The following KMT2C variants were observed in gnomAD, a reference collection of about 807,000 sequenced individuals.
KMT2C encodes histone-lysine N-methyltransferase 2C.
KMT2C carries 88 observed loss-of-function variants against 507.9 expected under a neutral mutation model. The observed-to-expected ratio is 0.17, with a 90% CI of 0.15 to 0.21. KMT2C has a LOEUF of 0.21. KMT2C is among the 10% of genes least tolerant of loss of function. The probability of loss-of-function intolerance (pLI) is 1.00; values close to 1 mark genes in which losing one functional copy is unlikely to be tolerated. For missense variants in KMT2C, 4,954 were observed against 5,957.8 expected (o/e 0.83, Z 5.55); for synonymous variants, 2,049 against 2,080.8 (o/e 0.98, Z 0.42).
rs2129114894 is a variant in KMT2C at position 152,177,489 on chromosome 7, C to A, written c.7964G>T (p.Gly2655Val). ...VMRTLNHPLGGEFSEAPLSTS... is the reference protein window; with the variant it reads ...VMRTLNHPLGVEFSEAPLSTS... ...TGACAAAGGAGCTTCTGAAAATTCA[C>A]CACCTAGTGGATGGTTCAGAGTCCT... is the stretch of plus-strand genomic sequence containing the variant. Residue 2655 changes from glycine (G) to valine (V), a missense_variant, in exon 38 of 59, where the codon GGT (glycine) becomes GTT (valine). This residue lies in a region of KMT2C where 1,689 missense variants were observed against 1,654.3 expected (regional missense o/e 1.02). Coordinates refer to ENST00000262189, the MANE Select transcript of KMT2C (RefSeq NM_170606.3). The A allele has an allele frequency of 6.2e-7, 1 of 1,614,206 alleles. No homozygotes were observed. Among genetic ancestry groups the A allele is most frequent in the Non-Finnish European group, 8.5e-7 (1 of 1,180,028 alleles).
Position 152,389,352 on chromosome 7 carries a change from C to CAAA in KMT2C, c.162-30680_162-30678dup, listed in dbSNP as rs386411673. On this transcript the variant is annotated intron_variant, in intron 1 of 58. Coordinates refer to ENST00000262189, the MANE Select transcript of KMT2C (RefSeq NM_170606.3). Reference sequence around the variant, plus strand: ...CTGGTGACAGAGTGAGACTCCGTCTCAAAAAAAAAAAAAAAAAAAATACTG... The same window carrying CAAA: ...CTGGTGACAGAGTGAGACTCCGTCTCAAAAAAAAAAAAAAAAAAAAAAATACTG... Among the ~76,000 whole-genome samples, 573 of 77,596 alleles carry CAAA rather than the reference C, an allele frequency of 7.4e-3. 8 individuals carry two copies. The highest frequency in any genetic ancestry group is 0.063 in the East Asian group (172 of 2,726). The allele number at this position is 77,596 out of a possible 152,430, so 50.9% of individuals were successfully genotyped here. A position where few individuals can be genotyped will look rare whatever the true frequency, so the allele number is the denominator to read the frequency against.
intron 6 of KMT2C, among the ~76,000 whole-genome samples, chr7:152,303,265 A>T: frequency 6.6e-6 from 1 of 152,210 alleles, no homozygotes; most frequent in East Asian, 1.9e-4. Flanking sequence ...TAAATATATT[A>T]ATTTTAACAC....
At chr7:152,336,020 T>C (rs1177540104) in intron 2 of KMT2C, among the ~76,000 whole-genome samples, 2 of 152,156 alleles carry the variant, frequency 1.3e-5, no homozygotes, top group Admixed American at 1.3e-4. Flanking sequence ...TTTTCTCCTC[T>C]AGCTATTATT....
At chr7:152,189,059 T>A (rs576105595) in intron 31 of KMT2C, among the ~76,000 whole-genome samples, 80 of 152,198 alleles carry the variant, frequency 5.3e-4, no homozygotes, top group Non-Finnish European at 9.0e-4. Context: ...CCAAACACAT[T>A]TGAATTCTCA....
chr7:152,266,964 A>C (rs148214063), intron 7 of KMT2C, among the ~76,000 whole-genome samples: 2,758 of 152,000 alleles, frequency 0.018, 37 homozygotes, highest in Non-Finnish European at 0.026. Context: ...GGCTTTTTGC[A>C]CTTTGTAGCA....
chr7:152,187,424 T>C lies in KMT2C; in HGVS notation c.4846A>G (p.Thr1616Ala), dbSNP rs370304361. Residue 1616 changes from threonine to alanine, a missense_variant, in exon 33 of 59, where the codon ACA (threonine) becomes GCA (alanine). By Grantham distance (58) the Thr-to-Ala change is moderately conservative. This residue lies in a region of KMT2C where 195 missense variants were observed against 183.7 expected (regional missense o/e 1.06). Transcript: ENST00000262189. ...CCTTCCACAGTGGGAGCTGATGATG[T>C]CCAAGAGTTGTTAGGATCACTTGCC... ...PMASDPNNSW[T>A]SSAPTVEGEN... is the part of the protein sequence containing the mutation. The C allele has an allele frequency of 6.2e-7, 1 of 1,614,138 alleles. No homozygotes were observed. The highest frequency in any genetic ancestry group is 1.1e-5 in the South Asian group (1 of 91,078).
chr7:152,229,503 A>AT, intron 18 of KMT2C, among the ~76,000 whole-genome samples: 1 of 152,282 alleles, frequency 6.6e-6, no homozygotes, highest in Non-Finnish European at 1.5e-5. Context: ...TCTTTTGGCT[A>AT]TAAGGAGAAA....
chr7:152,364,934 G>GACAGACACACACACACACACACAC (rs1554680382), intron 1 of KMT2C, among the ~76,000 whole-genome samples: 1 of 138,058 alleles, frequency 7.2e-6, no homozygotes, highest in African/African-American at 2.7e-5. Context: ...GAAACAGACA[G>GACAGACACACACACACACACACAC]ACACACACAC....
chr7:152,387,381 TA>T (rs2097438717), intron 1 of KMT2C, among the ~76,000 whole-genome samples: 4 of 151,026 alleles, frequency 2.6e-5, no homozygotes, highest in Non-Finnish European at 5.9e-5. Context: ...GCACCTACAT[TA>T]ATCACAATAT....
intron 9 of KMT2C, among the ~76,000 whole-genome samples, chr7:152,253,083 GA>G (rs2095586455): frequency 6.6e-6 from 1 of 152,090 alleles, no homozygotes. Context: ...TTCAACTCCT[GA>G]CCTCAAGTGA....
intron 8 of KMT2C, among the ~76,000 whole-genome samples, chr7:152,264,225 C>T (rs770991389): frequency 6.6e-6 from 1 of 152,144 alleles, no homozygotes; most frequent in Non-Finnish European, 1.5e-5. Flanking sequence ...AAGATACTGA[C>T]GTTTATTTCT....
intron 2 of KMT2C, among the ~76,000 whole-genome samples, chr7:152,353,484 G>GCC (rs2097129489): frequency 6.6e-6 from 1 of 152,070 alleles, no homozygotes; most frequent in African/African-American, 2.4e-5. Flanking sequence ...CATGGTAGGA[G>GCC]ACTCATTAGC....
At chr7:152,416,511 T>C (rs186635375) in intron 1 of KMT2C, among the ~76,000 whole-genome samples, 1 of 151,350 alleles carries the variant, frequency 6.6e-6, no homozygotes, top group Admixed American at 6.6e-5. Flanking sequence ...ATCACGCCAT[T>C]ACACTCCAGC....
chr7:152,290,234 G>GTGTGTGTGTGTGTA (rs2096389499), intron 6 of KMT2C, among the ~76,000 whole-genome samples: 1 of 100,868 alleles, frequency 9.9e-6, no homozygotes, highest in African/African-American at 4.9e-5. Flanking sequence ...GTGTGTGTGT[G>GTGTGTGTGTGTGTA]TGTGTGTGTG....
intron 9 of KMT2C, among the ~76,000 whole-genome samples, chr7:152,255,109 T>TTTTATA (rs1491178887): frequency 2.6e-5 from 2 of 78,344 alleles, no homozygotes; most frequent in Non-Finnish European, 5.4e-5. Context: ...CAACTCTCAC[T>TTTTATA]TATATATATA....
chr7:152,259,696 T>A (rs1407826511), intron 9 of KMT2C, among the ~76,000 whole-genome samples: 4 of 152,102 alleles, frequency 2.6e-5, no homozygotes, highest in Non-Finnish European at 5.9e-5. Flanking sequence ...TATCTGACAA[T>A]GACTGGTTTA....
intron 3 of KMT2C, among the ~76,000 whole-genome samples, chr7:152,317,003 C>T (rs2096728383): frequency 6.6e-6 from 1 of 152,172 alleles, no homozygotes; most frequent in Non-Finnish European, 1.5e-5. Flanking sequence ...CCCCTAGAAA[C>T]ACTACCCATG....
At chr7:152,284,081 T>C (rs2129182845) in intron 6 of KMT2C, among the ~76,000 whole-genome samples, 1 of 152,326 alleles carries the variant, frequency 6.6e-6, no homozygotes, top group Admixed American at 6.5e-5. Flanking sequence ...CTTCTTTTAA[T>C]GACTTTTTCA....
chr7:152,178,673 AAG>A (rs764096170), intron 37 of KMT2C, among the ~76,000 whole-genome samples: 67 of 152,230 alleles, frequency 4.4e-4, no homozygotes, highest in Non-Finnish European at 9.1e-4. Context: ...AAGGGAAATT[AAG>A]AGTAAGATTA....
Sources: allele counts gnomAD v4.1 joint callset (sites outside exome capture counted in the v4.1 genomes callset), GRCh38; gene constraint gnomAD v4.1.1; regional missense constraint gnomAD v4.1.1; transcripts MANE v1.5; gene names NCBI Gene and HGNC (gene_info 2026-07-23, HGNC 2026-07-21).